The following DTNA variants were observed in gnomAD, a reference collection of about 807,000 sequenced individuals.
DTNA encodes the protein dystrophin-related protein 3.
A neutral mutation model predicts 100.7 loss-of-function variants in DTNA; 43 were observed. The ratio of observed to expected loss-of-function variants is 0.43; its 90% CI spans 0.33 to 0.55. The LOEUF (loss-of-function observed/expected upper bound fraction) is 0.55. DTNA is among the 20% of genes least tolerant of loss of function. DTNA has a pLI of 0.04. For synonymous variants in DTNA, 349 were observed against 347.9 expected (o/e 1.00, Z -0.04); for missense variants, 798 against 953.9 (o/e 0.84, Z 2.15).
chr18:34,852,006 T>C, intron 15 of DTNA, 78 bp downstream of exon 15: 7 of 1,452,484 alleles, frequency 4.8e-6, no homozygotes, highest in Non-Finnish European at 6.7e-6. Context: ...CTTTAAAGTT[T>C]CAGGGCTTTA....
chr18:34,723,843 G>A lies in DTNA; in HGVS notation c.-2+13398G>A, dbSNP rs1291746596. On this transcript the variant is annotated intron_variant, in intron 1 of 22. Transcript: ENST00000444659. ...GAACCCAGGAGGCAGAGGTTGCAGT[G>A]AGCCAAGATCGTGCCACTGCACTCC... Among the ~76,000 whole-genome samples, 4 of 151,926 alleles carry A rather than the reference G, an allele frequency of 2.6e-5. No homozygotes were observed. In the South Asian group the frequency reaches 8.3e-4, roughly 31 times the overall value.
At chr18:34,873,520 C>T (rs768344002) in intron 17 of DTNA, among the ~76,000 whole-genome samples, 11 of 152,308 alleles carry the variant, frequency 7.2e-5, no homozygotes, top group South Asian at 2.1e-4. Flanking sequence ...GCAAGGCTCC[C>T]GCAGCCCAGG....
chr18:34,663,827 G>A (rs556902152), intron 1 of DTNA, among the ~76,000 whole-genome samples: 24 of 152,210 alleles, frequency 1.6e-4, no homozygotes, highest in Admixed American at 1.2e-3. Flanking sequence ...GATGAGACTC[G>A]TGGTGACATT....
chr18:34,758,814 G>T (rs1020613716), intron 2 of DTNA, among the ~76,000 whole-genome samples: 1 of 152,154 alleles, frequency 6.6e-6, no homozygotes, highest in Non-Finnish European at 1.5e-5. Context: ...CTAAAGTTAG[G>T]CAAGTTGAGG....
chr18:34,537,979 G>A (rs1257168270), intron 1 of DTNA, among the ~76,000 whole-genome samples: 1 of 151,970 alleles, frequency 6.6e-6, no homozygotes, highest in Non-Finnish European at 1.5e-5. Context: ...GCAACGTGAA[G>A]CAACATGAAA....
chr18:34,556,630 A>G (rs1432726625), intron 1 of DTNA, among the ~76,000 whole-genome samples: 3 of 151,834 alleles, frequency 2.0e-5, no homozygotes, highest in Non-Finnish European at 4.4e-5. Flanking sequence ...TCACTTATGA[A>G]GCTTAGTTTG....
At chr18:34,643,470 C>G (rs1378868647) in intron 1 of DTNA, among the ~76,000 whole-genome samples, 1 of 152,204 alleles carries the variant, frequency 6.6e-6, no homozygotes, top group Non-Finnish European at 1.5e-5. Context: ...GAATCATAAG[C>G]AATGTGTTAA....
chr18:34,798,527 A>G (rs1235270213), intron 4 of DTNA, among the ~76,000 whole-genome samples: 3 of 152,170 alleles, frequency 2.0e-5, no homozygotes, highest in African/African-American at 4.8e-5. Context: ...AACACTAAAA[A>G]CAAGTTGTCT....
chr18:34,817,838 T>G, intron 7 of DTNA: 1 of 747,794 alleles, frequency 1.3e-6, no homozygotes, highest in Non-Finnish European at 1.9e-6. Context: ...CAGAGAGCAG[T>G]TTGGGGTAAA....
At chr18:34,543,104 A>G (rs1206379268) in intron 1 of DTNA, among the ~76,000 whole-genome samples, 1 of 152,040 alleles carries the variant, frequency 6.6e-6, no homozygotes, top group Admixed American at 6.6e-5. Flanking sequence ...TGCTTTATTA[A>G]TCTCACTTGT....
intron 1 of DTNA, among the ~76,000 whole-genome samples, chr18:34,588,560 C>T (rs1211259047): frequency 1.3e-5 from 2 of 152,116 alleles, no homozygotes; most frequent in African/African-American, 4.8e-5. Context: ...CATCTTCATC[C>T]CCTTATGCTC....
chr18:34,717,629 A>T (rs1381249898), intron 1 of DTNA, among the ~76,000 whole-genome samples: 1 of 152,194 alleles, frequency 6.6e-6, no homozygotes, highest in African/African-American at 2.4e-5. Context: ...CATTGAAAAG[A>T]TAGTAGTAGT....
chr18:34,552,384 T>G (rs2045525057), intron 1 of DTNA, among the ~76,000 whole-genome samples: 1 of 152,140 alleles, frequency 6.6e-6, no homozygotes, highest in Non-Finnish European at 1.5e-5. Context: ...AACTATTTTT[T>G]TTTTAAATTA....
chr18:34,662,327 A>G (rs559363391), intron 1 of DTNA, among the ~76,000 whole-genome samples: 5 of 152,290 alleles, frequency 3.3e-5, no homozygotes, highest in Admixed American at 1.3e-4. Flanking sequence ...CATCATTTAC[A>G]TCAGCTAGAT....
chr18:34,622,803 G>A (rs951246251), intron 1 of DTNA, among the ~76,000 whole-genome samples: 6 of 152,122 alleles, frequency 3.9e-5, no homozygotes, highest in Non-Finnish European at 5.9e-5. Flanking sequence ...TTATACCATC[G>A]GCTCCCATGT....
chr18:34,628,474 A>T (rs2057641439), intron 1 of DTNA, among the ~76,000 whole-genome samples: 1 of 152,250 alleles, frequency 6.6e-6, no homozygotes, highest in Non-Finnish European at 1.5e-5. Flanking sequence ...TTGTGAAGAA[A>T]GACTCATATC....
Position 34,789,298 on chromosome 18 carries a change from C to T in DTNA, c.149-4739C>T, listed in dbSNP as rs116859895. Among the ~76,000 whole-genome samples, 298 of 152,294 alleles carry T rather than the reference C, an allele frequency of 2.0e-3. 9 individuals are homozygous for T. The East Asian group carries it at 0.041, about 21-fold the overall frequency. On this transcript the variant is annotated intron_variant, in intron 3 of 22. Coordinates refer to ENST00000444659, the MANE Select transcript of DTNA (RefSeq NM_001386795.1). ...AACTACTTCCCACTGTGTGCCTGTC[C>T]GTCTCCGCTCCTTTCTTCCCTTAAA...
chr18:34,771,281 C>T lies in DTNA; in HGVS notation c.148+5240C>T, dbSNP rs2093755124. On this transcript the variant is annotated intron_variant, in intron 3 of 22. Coordinates refer to ENST00000444659, the MANE Select transcript of DTNA (RefSeq NM_001386795.1). ...TTGGGAGGCCGAGGCGGGCGGATCA[C>T]AAGGTCAGGAGATCGAGACCATCCT... is the stretch of plus-strand genomic sequence containing the variant. Among the ~76,000 whole-genome samples the T allele has an allele frequency of 2.0e-5, 3 of 152,138 alleles. No individual in the cohort carries two copies. The South Asian group carries it at 6.2e-4, about 32-fold the overall frequency.
intron 1 of DTNA, among the ~76,000 whole-genome samples, chr18:34,672,051 A>G (rs1269177575): frequency 2.0e-5 from 3 of 152,060 alleles, no homozygotes; most frequent in Admixed American, 6.6e-5. Context: ...TTTTTGGCCA[A>G]TTTGGTGGGT....
Sources: gnomAD v4.1 joint callset for allele counts (sites outside exome capture counted in the v4.1 genomes callset) on GRCh38, gnomAD v4.1.1 for gene constraint, MANE v1.5 for transcripts, NCBI Gene and HGNC (gene_info 2026-07-23, HGNC 2026-07-21) for gene names.